PRR16: variants seen among roughly 807,000 people sequenced by gnomAD.
PRR16 encodes the protein proline rich 16.
A neutral mutation model predicts 18.2 loss-of-function variants in PRR16; 6 were observed. That is an observed-to-expected ratio of 0.33 (90% confidence interval 0.18 to 0.65). The LOEUF is 0.65. PRR16 is among the 30% of genes least tolerant of loss of function. The pLI is 0.74. For missense variants in PRR16, 412 were observed against 376.6 expected, an observed-to-expected ratio of 1.09 and a Z score of -0.78; for synonymous variants, 151 against 147.8, an observed-to-expected ratio of 1.02 and a Z score of -0.16.
At chr5:120,553,893 C>G (rs572130270) in intron 1 of PRR16, among the ~76,000 whole-genome samples, 1 of 151,986 alleles carries the variant, frequency 6.6e-6, no homozygotes, top group African/African-American at 2.4e-5. Flanking sequence ...TCTAGCAAGT[C>G]ATACAGTAGG....
chr5:120,504,148 A>C (rs1017383667), intron 1 of PRR16, among the ~76,000 whole-genome samples: 1 of 151,970 alleles, frequency 6.6e-6, no homozygotes, highest in Non-Finnish European at 1.5e-5. Flanking sequence ...AGCATTAGGT[A>C]TATCTCCTAA....
intron 1 of PRR16, among the ~76,000 whole-genome samples, chr5:120,583,041 G>C (rs992425112): frequency 6.6e-6 from 1 of 152,196 alleles, no homozygotes; most frequent in African/African-American, 2.4e-5. Context: ...CTTTTAATTG[G>C]AAGGCCCATG....
intron 1 of PRR16, among the ~76,000 whole-genome samples, chr5:120,500,307 A>G (rs1400589645): frequency 6.6e-6 from 1 of 152,184 alleles, no homozygotes. Flanking sequence ...GGAACTCACC[A>G]TCTCTTTTTT....
chr5:120,501,852 A>G (rs1164523016), intron 1 of PRR16, among the ~76,000 whole-genome samples: 2 of 144,692 alleles, frequency 1.4e-5, no homozygotes, highest in Non-Finnish European at 3.0e-5. Context: ...GCTACTCAGG[A>G]GGCTGAGGCA....
the PRR16 span, among the ~76,000 whole-genome samples, chr5:120,761,828 G>C: frequency 1.3e-5 from 2 of 151,988 alleles, no homozygotes; most frequent in African/African-American, 4.8e-5. Flanking sequence ...CTGTCTAACT[G>C]TATGTTTGTA....
chr5:120,467,247 G>A (rs1749132811), intron 1 of PRR16, among the ~76,000 whole-genome samples: 1 of 151,978 alleles, frequency 6.6e-6, no homozygotes, highest in African/African-American at 2.4e-5. Flanking sequence ...GCTATATTTA[G>A]AATTCTAATT....
intron 1 of PRR16, among the ~76,000 whole-genome samples, chr5:120,601,562 A>T (rs1753983039): frequency 6.6e-6 from 1 of 151,834 alleles, no homozygotes; most frequent in African/African-American, 2.4e-5. Context: ...GAGGTTCTTT[A>T]GTTTCTTTAA....
At chr5:120,498,940 A>C (rs1316392420) in intron 1 of PRR16, among the ~76,000 whole-genome samples, 3 of 150,718 alleles carry the variant, frequency 2.0e-5, no homozygotes, top group Non-Finnish European at 4.4e-5. Flanking sequence ...TTCTCTTACT[A>C]CTTTAAAGAT....
chr5:120,551,658 G>T (rs1752258954), intron 1 of PRR16, among the ~76,000 whole-genome samples: 1 of 151,988 alleles, frequency 6.6e-6, no homozygotes, highest in Non-Finnish European at 1.5e-5. Flanking sequence ...GTTTTGATCA[G>T]TGGTTAAGAC....
chr5:120,526,315 T>G (rs1751344719), intron 1 of PRR16, among the ~76,000 whole-genome samples: 1 of 152,216 alleles, frequency 6.6e-6, no homozygotes, highest in African/African-American at 2.4e-5. Context: ...CATCTTAGCC[T>G]CTTGTTGTCA....
At chr5:120,665,416 A>G (rs1204252418) in intron 1 of PRR16, among the ~76,000 whole-genome samples, 3 of 151,642 alleles carry the variant, frequency 2.0e-5, no homozygotes, top group East Asian at 1.9e-4. Context: ...TTGCCTGTTC[A>G]CTCTGATGGT....
chr5:120,501,087 A>G (rs1750437234), intron 1 of PRR16, among the ~76,000 whole-genome samples: 1 of 152,204 alleles, frequency 6.6e-6, no homozygotes. Context: ...ATTTAACTTC[A>G]GAAGCATAAA....
At chr5:120,589,241 G>A (rs975207511) in intron 1 of PRR16, among the ~76,000 whole-genome samples, 2 of 151,942 alleles carry the variant, frequency 1.3e-5, no homozygotes, top group East Asian at 1.9e-4. Flanking sequence ...TTAAAAATAT[G>A]CATACTCCAG....
chr5:120,745,329 A>G, the PRR16 span, among the ~76,000 whole-genome samples: 2 of 152,178 alleles, frequency 1.3e-5, no homozygotes, highest in Non-Finnish European at 2.9e-5. Flanking sequence ...ACTCCCATCC[A>G]GAAAACCAAA....
At chr5:120,470,520 A>G (rs1158630202) in intron 1 of PRR16, among the ~76,000 whole-genome samples, 1 of 152,160 alleles carries the variant, frequency 6.6e-6, no homozygotes, top group Non-Finnish European at 1.5e-5. Context: ...ACTTTCTTGA[A>G]TGATATAGAT....
At chr5:120,737,631 TTTTC>T in the PRR16 span, among the ~76,000 whole-genome samples, 3 of 151,752 alleles carry the variant, frequency 2.0e-5, no homozygotes, top group Non-Finnish European at 4.4e-5. Flanking sequence ...TCTCTTAGTT[TTTTC>T]TTTCTTTCTT....
chr5:120,735,791 T>C, the PRR16 span, among the ~76,000 whole-genome samples: 12 of 152,174 alleles, frequency 7.9e-5, no homozygotes, highest in Non-Finnish European at 1.6e-4. Flanking sequence ...GGTTGATTTT[T>C]TTACTGTTAT....
chr5:120,589,448 A>G (rs1169665821), intron 1 of PRR16, among the ~76,000 whole-genome samples: 1 of 152,126 alleles, frequency 6.6e-6, no homozygotes, highest in Non-Finnish European at 1.5e-5. Context: ...TACAAACTCT[A>G]TTACCACTTC....
chr5:120,575,478 C>T (rs1753046601), intron 1 of PRR16, among the ~76,000 whole-genome samples: 1 of 152,006 alleles, frequency 6.6e-6, no homozygotes, highest in South Asian at 2.1e-4. Flanking sequence ...GGGGATTAAT[C>T]CCAAGGATGC....
Sources: allele counts gnomAD v4.1 joint callset (sites outside exome capture counted in the v4.1 genomes callset), GRCh38; gene constraint gnomAD v4.1.1; transcripts MANE v1.5; gene names NCBI Gene and HGNC (gene_info 2026-07-23, HGNC 2026-07-21).